Variants in GSTM4 observed in about 807,000 individuals in gnomAD.
GSTM4 encodes glutathione S-transferase mu 4.
A neutral mutation model predicts 30.1 loss-of-function variants in GSTM4; 27 were observed. The ratio of observed to expected loss-of-function variants is 0.90; its 90% CI spans 0.66 to 1.24. The LOEUF (loss-of-function observed/expected upper bound fraction) is 1.24. Ranked by LOEUF, GSTM4 falls within the 50% of genes most tolerant of loss-of-function variation. The pLI, the probability that GSTM4 is intolerant of heterozygous loss-of-function variation, is 0.00. For synonymous variants in GSTM4, 94 were observed against 96.2 expected, an observed-to-expected ratio of 0.98 and a Z score of 0.13; for missense variants, 238 against 272.1, an observed-to-expected ratio of 0.87 and a Z score of 0.88.
In GSTM4 at chr1:109,656,869, C is replaced by T; in HGVS notation, c.112+82C>T. 3 of 1,314,396 alleles carry T rather than the reference C, an allele frequency of 2.3e-6. No homozygotes were observed. In the South Asian group the frequency reaches 3.5e-5, roughly 15 times the overall value. The allele number at this position is 1,314,396 out of a possible 1,614,324, so 81.4% of individuals were successfully genotyped here. A position where few individuals can be genotyped will look rare whatever the true frequency, so the allele number is the denominator to read the frequency against. ...ACCCATGGTGGCCACCTGTGGCTACCTCTGCAGGCCTCCCCTGCTGGAGCT... is the reference window on the plus strand; with the variant it reads ...ACCCATGGTGGCCACCTGTGGCTACTTCTGCAGGCCTCCCCTGCTGGAGCT... On this transcript the variant is annotated intron_variant, in intron 2 of 7. Transcript: ENST00000369836.
chr1:109,657,475 C>T (rs1226923899), intron 3 of GSTM4, 115 bp from the exon 4 acceptor site: 1 of 1,509,142 alleles, frequency 6.6e-7, no homozygotes, highest in African/African-American at 1.4e-5. Context: ...TATGTCAGGC[C>T]TGCCATGAGC....
At chr1:109,656,473 G>A in intron 1 of GSTM4, 48 bp downstream of exon 1, 1 of 1,609,014 alleles carries the variant, frequency 6.2e-7, no homozygotes, top group Non-Finnish European at 8.5e-7. Flanking sequence ...TGGGCGGGAA[G>A]TGCCGAGCGG....
intron 1 of GSTM4, 123 bp from the exon 2 acceptor site, chr1:109,656,589 T>TGTGTGTGTGCGA: frequency 1.7e-6 from 1 of 591,136 alleles, no homozygotes; most frequent in Non-Finnish European, 3.0e-6. Context: ...TGTGTGTGTG[T>TGTGTGTGTGCGA]GCGTGCGCCG....
At position 109,657,193 on chromosome 1, in the gene GSTM4, C is replaced by T; in HGVS notation, c.113-22C>T. 1.9e-6 allele frequency: 3 copies of T among 1,611,840 alleles called. No individual in the cohort carries two copies. The South Asian group carries it at 3.3e-5, about 18-fold the overall frequency. On this transcript the variant is annotated intron_variant, in intron 2 of 7. Transcript: ENST00000369836. The stretch of plus-strand genomic sequence containing the variant: ...GCTGGGCTCTGGGGAGGTTTGTTTT[C>T]ACTTCTTCTTCCCCACGGCAGCTCC...
rs144747285 is a variant in GSTM4, at chr1:109,657,584, A to G, written c.178-6A>G. 29 of 1,614,148 alleles carry G rather than the reference A, an allele frequency of 1.8e-5. No individual in the cohort carries two copies. In the African/African-American group the frequency reaches 3.3e-4, roughly 19 times the overall value. ...ACTGAGCTTCCCCGGTTTCCCATCT[A>G]TCCAGCTGCCCTACTTGATTGATGG... On this transcript the variant is annotated splice_polypyrimidine_tract_variant and splice_region_variant and intron_variant, in intron 3 of 7. Coordinates refer to ENST00000369836, the MANE Select transcript of GSTM4 (RefSeq NM_000850.5).
At chr1:109,666,933 G>C (rs1218288577), downstream of GSTM4, among the ~76,000 whole-genome samples, 1 of 152,052 alleles carries the variant, frequency 6.6e-6, no homozygotes, top group Non-Finnish European at 1.5e-5. Context: ...TCACCACGTT[G>C]GCTGGGTTTT....
intron 6 of GSTM4, 26 bp from the exon 7 acceptor site, chr1:109,658,974 G>A: frequency 6.2e-7 from 1 of 1,613,452 alleles, no homozygotes. Flanking sequence ...AGAGATTCCA[G>A]CCCACACATT....
chr1:109,658,980 A>G lies in GSTM4; in HGVS notation c.457-20A>G, dbSNP rs756191049. The stretch of plus-strand genomic sequence containing the variant: ...CTACGTTACAGAGATTCCAGCCCAC[A>G]CATTCTTGGCCTTCTGCAGATCACC... On this transcript the variant is annotated intron_variant, in intron 6 of 7. Coordinates refer to ENST00000369836, the MANE Select transcript of GSTM4 (RefSeq NM_000850.5). 3 of 1,613,812 alleles carry G rather than the reference A, an allele frequency of 1.9e-6. No individual in the cohort carries two copies. The South Asian group carries it at 3.3e-5, about 18-fold the overall frequency.
In GSTM4 at chr1:109,656,136, G is replaced by A; in HGVS notation, c.-254G>A. 2.1e-6 allele frequency: 1 copy of A among 487,168 alleles called. No homozygotes were observed. The highest frequency in any genetic ancestry group is 3.8e-6 in the Non-Finnish European group (1 of 263,160). The allele number at this position is 487,168 out of a possible 1,614,324, so 30.2% of individuals were successfully genotyped here. A position where few individuals can be genotyped will look rare whatever the true frequency, so the allele number is the denominator to read the frequency against. On this transcript the variant is annotated 5_prime_UTR_variant, in exon 1 of 8. The change creates a new upstream start codon in the 5' untranslated region. Coordinates refer to ENST00000369836, the MANE Select transcript of GSTM4 (RefSeq NM_000850.5). ...GACCTTGCTCCCTGAACACTCGGAG[G>A]TGGCGGTGGATCTTACTCCTTCCAG...
chr1:109,662,630 A>G (rs1012589898), downstream of GSTM4, among the ~76,000 whole-genome samples: 3 of 152,258 alleles, frequency 2.0e-5, no homozygotes, highest in African/African-American at 7.2e-5. Context: ...TGAATATCCA[A>G]ATTGCCAACA....
downstream of GSTM4, among the ~76,000 whole-genome samples, chr1:109,663,797 A>G (rs1428185738): frequency 1.3e-5 from 2 of 152,234 alleles, no homozygotes; most frequent in Non-Finnish European, 2.9e-5. Flanking sequence ...ATAAGATGTC[A>G]ACGTCCTCAG....
At chr1:109,664,525 A>G (rs1647236013), downstream of GSTM4, among the ~76,000 whole-genome samples, 1 of 151,180 alleles carries the variant, frequency 6.6e-6, no homozygotes, top group Non-Finnish European at 1.5e-5. Context: ...ACCCTCGGCT[A>G]ATTTTTGTAT....
chr1:109,656,520 G>A (rs2101213631), intron 1 of GSTM4, 95 bp downstream of exon 1: 1 of 1,367,032 alleles, frequency 7.3e-7, no homozygotes, highest in South Asian at 1.2e-5. Flanking sequence ...CCTCCTTAGG[G>A]CTATCTCTCA....
Position 109,659,029 on chromosome 1 carries a change from T to C in GSTM4, c.486T>C (p.Asp162=), listed in dbSNP as rs1187617927. 3.7e-6 allele frequency: 6 copies of C among 1,614,248 alleles called. No individual in the cohort carries two copies. Among genetic ancestry groups the C allele is most frequent in the Non-Finnish European group, 2.5e-6 (3 of 1,180,044 alleles). The change falls in exon 7 of 8, where the codon GAT becomes GAC. Residue 162 remains aspartate (D), a synonymous_variant. Coordinates refer to ENST00000369836, the MANE Select transcript of GSTM4 (RefSeq NM_000850.5). ...KITFVDFLAY[D]VLDLHRIFEP... ...CCTTTGTAGATTTCCTCGCCTATGA[T>C]GTCCTTGACCTCCACCGTATATTTG...
chr1:109,661,109 C>G (rs912296262), intron 7 of GSTM4, 56 bp from the exon 8 acceptor site: 698 of 1,602,078 alleles, frequency 4.4e-4, no homozygotes, highest in Middle Eastern at 1.3e-3. Flanking sequence ...GTGGGGTTGT[C>G]CCAGCCCTCA....
In GSTM4 at chr1:109,656,777, G is replaced by A; in HGVS notation, c.102G>A (p.Thr34=). 2 of 1,613,908 alleles carry A rather than the reference G, an allele frequency of 1.2e-6. No individual in the cohort carries two copies. Among genetic ancestry groups the A allele is most frequent in the Non-Finnish European group, 1.7e-6 (2 of 1,179,784 alleles). Residue 34 remains threonine (T), a synonymous_variant, in exon 2 of 8, where the codon ACG becomes ACA. Coordinates refer to ENST00000369836, the MANE Select transcript of GSTM4 (RefSeq NM_000850.5). ...TDSSYEEKKY[T]MGDAPDYDRS... ...CAAGCTACGAGGAAAAGAAGTATACGATGGGGGACGGTAATGACACCCTTG... is the reference window on the plus strand; with the variant it reads ...CAAGCTACGAGGAAAAGAAGTATACAATGGGGGACGGTAATGACACCCTTG...
intron 5 of GSTM4, chr1:109,658,484 T>G: frequency 3.1e-6 from 1 of 324,168 alleles, no homozygotes; most frequent in African/African-American, 2.1e-5. Flanking sequence ...CTTTAGTTCT[T>G]TGTATCCTTG....
chr1:109,657,922 A>G (rs941069908), intron 5 of GSTM4, 50 bp downstream of exon 5: 4 of 1,506,542 alleles, frequency 2.7e-6, no homozygotes, highest in Non-Finnish European at 3.7e-6. Flanking sequence ...ATTCCCATCT[A>G]CTCTGGTCCT....
chr1:109,661,754 T>C, downstream of GSTM4: 1 of 1,009,938 alleles, frequency 9.9e-7, no homozygotes, highest in Non-Finnish European at 1.2e-6. Context: ...TGTCTGTCAC[T>C]GCCTCTTCTG....
Sources: gnomAD v4.1 joint callset for allele counts (sites outside exome capture counted in the v4.1 genomes callset) on GRCh38, gnomAD v4.1.1 for gene constraint, MANE v1.5 for transcripts, NCBI Gene and HGNC (gene_info 2026-07-23, HGNC 2026-07-21) for gene names.